The following HMGCLL1 variants were observed in gnomAD, a reference collection of about 807,000 sequenced individuals.
HMGCLL1 encodes the protein 3-hydroxymethyl-3-methylglutaryl-CoA lyase, cytoplasmic.
In HMGCLL1, 36 loss-of-function variants were observed where a neutral mutation model predicts 39.1. That is an observed-to-expected ratio of 0.92 (90% CI 0.71 to 1.22). HMGCLL1 has a LOEUF of 1.22. Among genes scored for constraint, HMGCLL1 ranks in the 50% most tolerant of loss-of-function variants. The probability of loss-of-function intolerance (pLI) is 0.00; values close to 1 mark genes in which losing one functional copy is unlikely to be tolerated. For synonymous variants in HMGCLL1, 149 were observed against 144.0 expected, an observed-to-expected ratio of 1.03 and a Z score of -0.25; for missense variants, 451 against 416.5, an observed-to-expected ratio of 1.08 and a Z score of -0.72.
In HMGCLL1 at chr6:55,499,317, C is replaced by T; in HGVS notation, c.543-18G>A. 6.4e-7 allele frequency: 1 copy of T among 1,572,650 alleles called. No homozygotes were observed. The highest frequency in any genetic ancestry group is 8.6e-7 in the Non-Finnish European group (1 of 1,157,516). On this transcript the variant is annotated intron_variant, in intron 5 of 8. Transcript: ENST00000274901. ...ACACATACCTAAATTAAAAATACAG[C>T]CTTATAAATATGCATATGGTAAATA...
the HMGCLL1 span, among the ~76,000 whole-genome samples, chr6:55,649,917 G>A: frequency 3.3e-5 from 5 of 150,574 alleles, no homozygotes; most frequent in Non-Finnish European, 7.4e-5. Flanking sequence ...TTCTACTTTA[G>A]AATTTCTGCT....
chr6:55,589,426 A>G, the HMGCLL1 span, among the ~76,000 whole-genome samples: 120 of 152,318 alleles, frequency 7.9e-4, no homozygotes, highest in South Asian at 3.9e-3. Context: ...GCTATTTATG[A>G]CAAACCCACA....
At chr6:55,641,348 G>T in the HMGCLL1 span, among the ~76,000 whole-genome samples, 1 of 151,890 alleles carries the variant, frequency 6.6e-6, no homozygotes, top group Non-Finnish European at 1.5e-5. Context: ...GTTAAAATTT[G>T]ATCTACTGAC....
At chr6:55,513,034 A>C (rs1767543563) in intron 5 of HMGCLL1, 1 of 152,180 alleles carries the variant, frequency 6.6e-6, no homozygotes, top group South Asian at 2.1e-4. Flanking sequence ...TCCTGGAAGC[A>C]GACAAGCACC....
intron 3 of HMGCLL1, among the ~76,000 whole-genome samples, chr6:55,527,429 C>T (rs1768380400): frequency 6.6e-6 from 1 of 151,998 alleles, no homozygotes; most frequent in African/African-American, 2.4e-5. Context: ...ATAAGGTTGG[C>T]TTGAAGGGGG....
At chr6:55,554,922 T>C (rs1363800375) in intron 1 of HMGCLL1, among the ~76,000 whole-genome samples, 1 of 152,212 alleles carries the variant, frequency 6.6e-6, no homozygotes, top group Non-Finnish European at 1.5e-5. Flanking sequence ...AAAATAATTA[T>C]TTCTTACTTG....
At chr6:55,646,945 T>A in the HMGCLL1 span, among the ~76,000 whole-genome samples, 1 of 151,708 alleles carries the variant, frequency 6.6e-6, no homozygotes, top group Admixed American at 6.6e-5. Context: ...CCTTGTTGAT[T>A]TTCTGTCTGG....
the HMGCLL1 span, among the ~76,000 whole-genome samples, chr6:55,641,489 T>G: frequency 6.6e-6 from 1 of 151,978 alleles, no homozygotes; most frequent in Non-Finnish European, 1.5e-5. Context: ...TGTGTGTGTG[T>G]GTATTCACAC....
At chr6:55,645,389 T>G in the HMGCLL1 span, among the ~76,000 whole-genome samples, 1 of 152,030 alleles carries the variant, frequency 6.6e-6, no homozygotes. Flanking sequence ...ATGCCTTTAC[T>G]TCTTTCTCTT....
the HMGCLL1 span, among the ~76,000 whole-genome samples, chr6:55,660,941 C>A: frequency 6.6e-6 from 1 of 151,472 alleles, no homozygotes; most frequent in East Asian, 2.0e-4. Flanking sequence ...TATCTCATTG[C>A]GGTTTTGATT....
the HMGCLL1 span, among the ~76,000 whole-genome samples, chr6:55,587,572 A>G: frequency 7.9e-5 from 12 of 152,144 alleles, no homozygotes; most frequent in Non-Finnish European, 1.5e-4. Flanking sequence ...TTAAATGTAA[A>G]TGGACTAAAT....
chr6:55,589,767 CAGAG>C, the HMGCLL1 span, among the ~76,000 whole-genome samples: 2 of 152,198 alleles, frequency 1.3e-5, no homozygotes, highest in Non-Finnish European at 2.9e-5. Flanking sequence ...AGCAGACAAA[CAGAG>C]AGCCAAATCA....
chr6:55,468,413 G>C (rs1315938772), intron 7 of HMGCLL1, among the ~76,000 whole-genome samples: 1 of 151,908 alleles, frequency 6.6e-6, no homozygotes, highest in African/African-American at 2.4e-5. Context: ...AAAGAATGCT[G>C]TCATAATGAG....
the HMGCLL1 span, among the ~76,000 whole-genome samples, chr6:55,660,598 T>C: frequency 6.6e-6 from 1 of 151,988 alleles, no homozygotes. Context: ...GTACCACATT[T>C]CCTTTATTCA....
rs555199275 is a variant in HMGCLL1 at position 55,516,393 on chromosome 6, A to C, written c.393+115T>G. ...GAGCTCTATGTCTTCATGTTAGTAC[A>C]TTAGCATAGTATTTGTATTACAGAT... On this transcript the variant is annotated intron_variant, in intron 4 of 8. Coordinates refer to ENST00000274901, the MANE Select transcript of HMGCLL1 (RefSeq NM_001042406.2). The C allele has an allele frequency of 8.4e-4, 496 of 593,780 alleles. 2 individuals carry two copies. Among genetic ancestry groups the C allele is most frequent in the African/African-American group, 2.1e-3 (114 of 55,500 alleles). 36.8% of individuals were successfully genotyped at this position (593,780 alleles called of 1,614,324 possible). A position where few individuals can be genotyped will look rare whatever the true frequency, so the allele number is the denominator to read the frequency against.
At chr6:55,544,601 G>T (rs749625501) in intron 1 of HMGCLL1, among the ~76,000 whole-genome samples, 9 of 152,070 alleles carry the variant, frequency 5.9e-5, no homozygotes, top group Non-Finnish European at 1.3e-4. Context: ...CATGGGTAAG[G>T]TGGCTGTTTT....
Position 55,542,041 on chromosome 6 carries a change from G to A in HMGCLL1, c.189+19C>T. The A allele has an allele frequency of 7.0e-7, 1 of 1,436,948 alleles. No homozygotes were observed. Among genetic ancestry groups the A allele is most frequent in the East Asian group, 2.3e-5 (1 of 43,800 alleles). The allele number at this position is 1,436,948 out of a possible 1,614,324, so 89.0% of individuals were successfully genotyped here. Reference sequence around the variant, plus strand: ...TATTAATTTGTAGACAGCATTTGAAGTAAATGATGTAAAACTACCTTTTCA... The same window carrying A: ...TATTAATTTGTAGACAGCATTTGAAATAAATGATGTAAAACTACCTTTTCA... On this transcript the variant is annotated intron_variant, in intron 2 of 8. Transcript: ENST00000274901.
At chr6:55,630,066 G>A in the HMGCLL1 span, among the ~76,000 whole-genome samples, 1 of 152,150 alleles carries the variant, frequency 6.6e-6, no homozygotes, top group South Asian at 2.1e-4. Context: ...CAGAATGGCA[G>A]ATCCACAGAC....
chr6:55,508,761 T>C (rs1051321834), intron 5 of HMGCLL1, among the ~76,000 whole-genome samples: 4 of 151,858 alleles, frequency 2.6e-5, no homozygotes, highest in African/African-American at 9.7e-5. Context: ...TATAAACATA[T>C]ACCATTCAAC....
Sources: allele counts gnomAD v4.1 joint callset (sites outside exome capture counted in the v4.1 genomes callset), GRCh38; gene constraint gnomAD v4.1.1; transcripts MANE v1.5; gene names NCBI Gene and HGNC (gene_info 2026-07-23, HGNC 2026-07-21).